Variants in TRIM55 observed in about 807,000 individuals in gnomAD.
TRIM55 encodes the protein tripartite motif-containing protein 55.
TRIM55 carries 50 observed loss-of-function variants against 60.9 expected under a neutral mutation model. The ratio of observed to expected loss-of-function variants is 0.82; its 90% confidence interval spans 0.65 to 1.04. The LOEUF is 1.04. Among genes scored for constraint, TRIM55 ranks in the 50% least tolerant of loss-of-function variants. TRIM55 has a pLI of 0.00. For missense variants in TRIM55, 681 were observed against 666.9 expected (o/e 1.02, Z -0.23); for synonymous variants, 237 against 238.1 (o/e 1.00, Z 0.04).
At chr8:66,135,522 A>G (rs976892718) in intron 3 of TRIM55, among the ~76,000 whole-genome samples, 2 of 152,224 alleles carry the variant, frequency 1.3e-5, no homozygotes, top group African/African-American at 4.8e-5. Flanking sequence ...TAGACTACAG[A>G]TAAGAAAAGG....
chr8:66,145,555 A>C (rs1810053146), intron 4 of TRIM55, among the ~76,000 whole-genome samples: 1 of 152,226 alleles, frequency 6.6e-6, no homozygotes, highest in Non-Finnish European at 1.5e-5. Context: ...GTACAAAGTC[A>C]GTGGTTGGTG....
intron 9 of TRIM55, among the ~76,000 whole-genome samples, chr8:66,161,179 A>T (rs751209782): frequency 1.3e-5 from 2 of 152,112 alleles, no homozygotes; most frequent in Non-Finnish European, 2.9e-5. Flanking sequence ...TGGATTTAAG[A>T]TCCATCTTGA....
At chr8:66,166,536 A>G (rs1264727375) in intron 9 of TRIM55, among the ~76,000 whole-genome samples, 8 of 152,236 alleles carry the variant, frequency 5.3e-5, no homozygotes, top group African/African-American at 1.9e-4. Context: ...GAGTTAGTCC[A>G]CCAAGGTGTT....
intron 9 of TRIM55, among the ~76,000 whole-genome samples, chr8:66,161,755 G>GTT (rs34655404): frequency 0.12 from 16,198 of 131,958 alleles, 2,140 homozygotes; most frequent in African/African-American, 0.33. Flanking sequence ...TATTCCTAAG[G>GTT]TTTTTTTTTT....
chr8:66,151,687 CA>C (rs1810426718), intron 7 of TRIM55, among the ~76,000 whole-genome samples: 1 of 151,542 alleles, frequency 6.6e-6, no homozygotes, highest in Non-Finnish European at 1.5e-5. Flanking sequence ...ACTAAAAATA[CA>C]AAAAAATTAG....
At chr8:66,118,646 G>A in the TRIM55 span, among the ~76,000 whole-genome samples, 8 of 152,338 alleles carry the variant, frequency 5.3e-5, no homozygotes, top group East Asian at 9.6e-4. Context: ...GTTACATGGA[G>A]GGAAATTTCT....
rs1361217986 is a variant in TRIM55, at chr8:66,152,449, C to G, written c.1058C>G (p.Ala353Gly). Reference sequence around the variant, plus strand: ...GGAGAAGGAGAAGTGGGAGGAGAAGCAGTAGAAGTGGAAGAGGTAGAAAAT... The same window carrying G: ...GGAGAAGGAGAAGTGGGAGGAGAAGGAGTAGAAGTGGAAGAGGTAGAAAAT... ...KEGEGEVGGE[A>G]VEVEEVENVQ... The change falls in exon 8 of 10, where the codon GCA becomes GGA. Residue 353 changes from alanine to glycine, a missense_variant. Coordinates refer to ENST00000315962, the MANE Select transcript of TRIM55 (RefSeq NM_184085.2). The G allele has an allele frequency of 1.2e-6, 2 of 1,613,418 alleles. No individual in the cohort carries two copies. The highest frequency in any genetic ancestry group is 2.7e-5 in the African/African-American group (2 of 74,888).
At position 66,128,448 on chromosome 8, in the gene TRIM55, A is replaced by C; in HGVS notation, c.313A>C (p.Ile105Leu). Residue 105 changes from isoleucine (I) to leucine (L), a missense_variant, in exon 2 of 10, where the codon ATT (isoleucine) becomes CTT (leucine). By Grantham distance (5) the Ile-to-Leu change is conservative. Transcript: ENST00000315962. The part of the protein sequence containing the change: ...LQRNLLVENI[I>L]DIYKQESTRP... ...GAGGAACCTGCTGGTGGAAAATATC[A>C]TTGACATCTACAAGCAGGAGTCCAC... 2 of 1,613,598 alleles carry C rather than the reference A, an allele frequency of 1.2e-6. No individual in the cohort carries two copies. Among genetic ancestry groups the C allele is most frequent in the Non-Finnish European group, 8.5e-7 (1 of 1,179,778 alleles).
chr8:66,117,983 G>A, the TRIM55 span, among the ~76,000 whole-genome samples: 3 of 151,228 alleles, frequency 2.0e-5, no homozygotes, highest in African/African-American at 7.3e-5. Flanking sequence ...TGGCTAACAC[G>A]GTGAAACCCC....
intron 4 of TRIM55, among the ~76,000 whole-genome samples, chr8:66,147,579 G>T (rs1454719978): frequency 1.3e-5 from 2 of 151,934 alleles, no homozygotes; most frequent in Admixed American, 6.6e-5. Context: ...GGTGGATCAT[G>T]AGGTCAGGAG....
chr8:66,142,831 T>A (rs1325557652), intron 4 of TRIM55, among the ~76,000 whole-genome samples: 1 of 152,240 alleles, frequency 6.6e-6, no homozygotes, highest in Non-Finnish European at 1.5e-5. Flanking sequence ...GTAGTTTATC[T>A]GTCCCCTTTC....
rs766837715 is a variant in TRIM55 at position 66,174,623 on chromosome 8, G to A, written c.*30G>A. 1.3e-6 allele frequency: 2 copies of A among 1,563,722 alleles called. No homozygotes were observed. Among genetic ancestry groups the A allele is most frequent in the South Asian group, 2.3e-5 (2 of 86,326 alleles). ...CATTCCAACTGCTGCCCCTCTGTCT[G>A]CCTGGCTGAGATGCATGTGGGCAGC... On this transcript the variant is annotated 3_prime_UTR_variant, in exon 10 of 10. Coordinates refer to ENST00000315962, the MANE Select transcript of TRIM55 (RefSeq NM_184085.2).
At chr8:66,154,375 C>T (rs1055815104) in intron 9 of TRIM55, 41 bp downstream of exon 9, 9 of 1,596,844 alleles carry the variant, frequency 5.6e-6, no homozygotes, top group South Asian at 4.5e-5. Flanking sequence ...TCCCGCGCCC[C>T]CTAGGGTCCC....
chr8:66,174,597 T>C lies in TRIM55; in HGVS notation c.*4T>C, dbSNP rs761922297. 75 of 1,590,430 alleles carry C rather than the reference T, an allele frequency of 4.7e-5. No homozygotes were observed. Among genetic ancestry groups the C allele is most frequent in the Non-Finnish European group, 6.3e-5 (74 of 1,170,872 alleles). On this transcript the variant is annotated 3_prime_UTR_variant, in exon 10 of 10. Transcript: ENST00000315962. Reference sequence around the variant, plus strand: ...GTTGAACTCCCTAAATGAATGATATTCATTCCAACTGCTGCCCCTCTGTCT... The same window carrying C: ...GTTGAACTCCCTAAATGAATGATATCCATTCCAACTGCTGCCCCTCTGTCT...
chr8:66,116,004 G>T, the TRIM55 span, among the ~76,000 whole-genome samples: 10 of 152,188 alleles, frequency 6.6e-5, no homozygotes, highest in Admixed American at 4.6e-4. Context: ...GGCCGGGCAA[G>T]CATAGCATCA....
chr8:66,165,885 A>G (rs1343830400), intron 9 of TRIM55, among the ~76,000 whole-genome samples: 1 of 152,120 alleles, frequency 6.6e-6, no homozygotes, highest in Non-Finnish European at 1.5e-5. Flanking sequence ...TTTGAATGAG[A>G]CCTTTACATT....
At chr8:66,128,236 G>T (rs1290974368) in intron 1 of TRIM55, 68 bp from the exon 2 acceptor site, 7 of 1,418,826 alleles carry the variant, frequency 4.9e-6, no homozygotes, top group Non-Finnish European at 6.7e-6. Flanking sequence ...AGCAGAGAGT[G>T]AAAATAAGTC....
At chr8:66,174,349 T>C (rs1811803596) in intron 9 of TRIM55, 122 bp from the exon 10 acceptor site, 2 of 706,642 alleles carry the variant, frequency 2.8e-6, no homozygotes, top group Non-Finnish European at 3.9e-6. Context: ...CATATAATAA[T>C]ATTGTTATTA....
Position 66,150,270 on chromosome 8 carries a change from A to G in TRIM55, c.860+31A>G, listed in dbSNP as rs751727697. 10 of 1,612,950 alleles carry G rather than the reference A, an allele frequency of 6.2e-6. 1 individual carries two copies. Among genetic ancestry groups the G allele is most frequent in the South Asian group, 4.4e-5 (4 of 90,834 alleles). On this transcript the variant is annotated intron_variant, in intron 6 of 9. Transcript: ENST00000315962. ...AACTTTTTATTTTATGTAAAAATGCATATTTTCACCTTTACCCAAGGCTAT... is the reference window on the plus strand; with the variant it reads ...AACTTTTTATTTTATGTAAAAATGCGTATTTTCACCTTTACCCAAGGCTAT...
Sources: gnomAD v4.1 joint callset for allele counts (sites outside exome capture counted in the v4.1 genomes callset) on GRCh38, gnomAD v4.1.1 for gene constraint, MANE v1.5 for transcripts, NCBI Gene and HGNC (gene_info 2026-07-23, HGNC 2026-07-21) for gene names.